DOCK8: variants seen among roughly 807,000 people sequenced by gnomAD.
DOCK8 encodes dedicator of cytokinesis protein 8.
A neutral mutation model predicts 245.6 loss-of-function variants in DOCK8; 141 were observed. The observed-to-expected ratio is 0.57, with a 90% CI of 0.50 to 0.66. The LOEUF (loss-of-function observed/expected upper bound fraction) is 0.66. Among genes scored for constraint, DOCK8 ranks in the 30% least tolerant of loss-of-function variants. The pLI is 0.00. For synonymous variants in DOCK8, 1,168 were observed against 970.2 expected, an observed-to-expected ratio of 1.20 and a Z score of -3.79; for missense variants, 2,965 against 2,603.4, an observed-to-expected ratio of 1.14 and a Z score of -3.02.
At chr9:316,334 A>AGAT (rs1355291464) in intron 6 of DOCK8, among the ~76,000 whole-genome samples, 1 of 152,260 alleles carries the variant, frequency 6.6e-6, no homozygotes, top group Non-Finnish European at 1.5e-5. Context: ...TATAATTAAC[A>AGAT]TAGAATGATA....
intron 20 of DOCK8, among the ~76,000 whole-genome samples, chr9:378,029 A>G (rs2053589370): frequency 6.6e-6 from 1 of 152,200 alleles, no homozygotes; most frequent in African/African-American, 2.4e-5. Context: ...TTTGGGTACC[A>G]TCCATATGCC....
chr9:213,536 AT>A (rs1037847815), upstream of DOCK8: 1 of 152,144 alleles, frequency 6.6e-6, no homozygotes, highest in Non-Finnish European at 1.5e-5. Context: ...TTAACATGCA[AT>A]CAACATGAAA....
chr9:311,749 GAGA>G (rs2050123144), intron 5 of DOCK8, among the ~76,000 whole-genome samples: 2 of 152,208 alleles, frequency 1.3e-5, no homozygotes, highest in South Asian at 2.1e-4. Flanking sequence ...GCTTCCAGGT[GAGA>G]AGAAGACATT....
At chr9:273,308 A>G (rs558711684) in intron 2 of DOCK8, among the ~76,000 whole-genome samples, 115 of 152,294 alleles carry the variant, frequency 7.6e-4, no homozygotes, top group African/African-American at 2.7e-3. Context: ...TCAGAATTGC[A>G]GAGTATAATA....
intron 26 of DOCK8, among the ~76,000 whole-genome samples, chr9:401,205 AG>A (rs964715737): frequency 6.0e-5 from 9 of 150,984 alleles, no homozygotes; most frequent in African/African-American, 2.0e-4. Context: ...TAAAATAAGA[AG>A]GGGGGGTTGA....
chr9:256,349 G>A (rs1166783833), intron 1 of DOCK8, among the ~76,000 whole-genome samples: 1 of 152,186 alleles, frequency 6.6e-6, no homozygotes, highest in Admixed American at 6.5e-5. Flanking sequence ...TCCTGCAAGA[G>A]GCAGACTTGG....
chr9:328,262 G>T (rs2050853492), intron 9 of DOCK8, 91 bp downstream of exon 9: 1 of 1,441,438 alleles, frequency 6.9e-7, no homozygotes, highest in African/African-American at 1.4e-5. Flanking sequence ...ATCTCAGAAT[G>T]TGTCCACATA....
At chr9:339,179 AT>A (rs1176728235) in intron 13 of DOCK8, 80 bp downstream of exon 13, 3 of 1,200,218 alleles carry the variant, frequency 2.5e-6, no homozygotes, top group Admixed American at 1.8e-5. Context: ...TAATGCCAGA[AT>A]TTATAAAATC....
intron 8 of DOCK8, among the ~76,000 whole-genome samples, chr9:327,642 C>T (rs575388076): frequency 6.6e-6 from 1 of 152,260 alleles, no homozygotes; most frequent in South Asian, 2.1e-4. Flanking sequence ...AGCAATGTGC[C>T]CGCCTTGGCC....
chr9:411,585 T>G (rs928528098), intron 28 of DOCK8, among the ~76,000 whole-genome samples: 12 of 152,046 alleles, frequency 7.9e-5, no homozygotes, highest in African/African-American at 2.9e-4. Flanking sequence ...GTGGAATACT[T>G]CCCCACTTGT....
At chr9:362,804 G>A (rs575058216) in intron 14 of DOCK8, among the ~76,000 whole-genome samples, 32 of 152,326 alleles carry the variant, frequency 2.1e-4, no homozygotes, top group African/African-American at 7.0e-4. Context: ...TTTTCTGTTC[G>A]TTTCCTTGCA....
At chr9:214,825 G>C (rs780529951), upstream of DOCK8, 10 of 1,598,368 alleles carry the variant, frequency 6.3e-6, no homozygotes, top group Non-Finnish European at 6.8e-6. Flanking sequence ...GGGTGATTTC[G>C]GCTTAGAAGG....
intron 1 of DOCK8, among the ~76,000 whole-genome samples, chr9:261,423 A>G (rs2129777199): frequency 6.6e-6 from 1 of 152,356 alleles, no homozygotes; most frequent in Admixed American, 6.5e-5. Context: ...TTTTAGAGCT[A>G]GTATGTTTTT....
intron 5 of DOCK8, among the ~76,000 whole-genome samples, chr9:306,811 A>G (rs2049853034): frequency 6.6e-6 from 1 of 152,136 alleles, no homozygotes; most frequent in Non-Finnish European, 1.5e-5. Flanking sequence ...GGTCTAGGGG[A>G]AGATCTTGGA....
At chr9:215,110 A>G in intron 1 of DOCK8, 81 bp downstream of exon 1, 1 of 1,503,216 alleles carries the variant, frequency 6.7e-7, no homozygotes, top group Non-Finnish European at 8.8e-7. Context: ...GCAGGGGCCG[A>G]GGCCGGACGA....
intron 32 of DOCK8, 75 bp downstream of exon 32, chr9:421,153 C>A: frequency 1.3e-6 from 2 of 1,565,364 alleles, no homozygotes; most frequent in Non-Finnish European, 1.8e-6. Flanking sequence ...GTCCTCCCAA[C>A]ATGATTAGAC....
chr9:309,228 A>C (rs893204116), intron 5 of DOCK8, among the ~76,000 whole-genome samples: 1 of 152,204 alleles, frequency 6.6e-6, no homozygotes, highest in Non-Finnish European at 1.5e-5. Context: ...AAATTTGGGA[A>C]ATTAAAGTCA....
chr9:375,169 C>A (rs896721156), intron 18 of DOCK8, among the ~76,000 whole-genome samples: 18 of 152,096 alleles, frequency 1.2e-4, no homozygotes, highest in African/African-American at 4.3e-4. Flanking sequence ...ACTTTGGGCC[C>A]CAGCTTTTGA....
intron 1 of DOCK8, among the ~76,000 whole-genome samples, chr9:240,585 A>C (rs909624602): frequency 6.6e-6 from 1 of 152,148 alleles, no homozygotes; most frequent in Non-Finnish European, 1.5e-5. Context: ...ATTATGGACA[A>C]TTTCTTTTTA....
Sources: gnomAD v4.1 joint callset for allele counts (sites outside exome capture counted in the v4.1 genomes callset) on GRCh38, gnomAD v4.1.1 for gene constraint, MANE v1.5 for transcripts, NCBI Gene and HGNC (gene_info 2026-07-23, HGNC 2026-07-21) for gene names.